DMXL1: variants seen among roughly 807,000 people sequenced by gnomAD.
DMXL1 encodes the protein dmX-like protein 1.
Under a neutral mutation model 319.2 loss-of-function variants are expected in DMXL1, and 99 were observed. That is an observed-to-expected ratio of 0.31 (90% CI 0.26 to 0.37). The LOEUF is 0.37. Among genes scored for constraint, DMXL1 ranks in the 10% least tolerant of loss-of-function variants. The pLI is 1.00. For missense variants in DMXL1, 3,745 were observed against 3,595.6 expected (o/e 1.04, Z -1.06); for synonymous variants, 1,385 against 1,235.2 (o/e 1.12, Z -2.54).
intron 5 of DMXL1, among the ~76,000 whole-genome samples, chr5:119,112,723 G>T (rs374611783): frequency 6.6e-6 from 1 of 152,158 alleles, no homozygotes; most frequent in Non-Finnish European, 1.5e-5. Context: ...TTGGGAGGCC[G>T]AGGTGGGTGG....
intron 32 of DMXL1, 64 bp downstream of exon 32, chr5:119,198,020 G>A (rs758451100): frequency 2.6e-5 from 39 of 1,510,620 alleles, no homozygotes; most frequent in South Asian, 5.7e-5. Context: ...ATGGTGTCTC[G>A]CTCTGTCATC....
At chr5:119,132,186 A>G (rs985896648) in intron 10 of DMXL1, among the ~76,000 whole-genome samples, 2 of 152,112 alleles carry the variant, frequency 1.3e-5, no homozygotes, top group Non-Finnish European at 2.9e-5. Flanking sequence ...TAAATAAGAA[A>G]AGGCTCTACA....
At chr5:119,135,560 C>A (rs1018345412) in intron 13 of DMXL1, among the ~76,000 whole-genome samples, 5 of 152,158 alleles carry the variant, frequency 3.3e-5, no homozygotes, top group African/African-American at 1.2e-4. Flanking sequence ...ACCCAAATCT[C>A]ATCTTGAATT....
intron 19 of DMXL1, among the ~76,000 whole-genome samples, chr5:119,161,523 AGGTCTGGGGCTGGGCCAAGCCCCTGTTT>A (rs1772265420): frequency 6.6e-6 from 1 of 152,166 alleles, no homozygotes; most frequent in South Asian, 2.1e-4. Flanking sequence ...CCTTGGTGTG[AGGTCTGGGGCTGGGCCAAGCCCCTGTTT>A]GGCCTCCCAG....
intron 28 of DMXL1, among the ~76,000 whole-genome samples, chr5:119,187,364 T>C (rs1777922468): frequency 2.0e-5 from 3 of 152,194 alleles, no homozygotes. Flanking sequence ...ATTTGATTAT[T>C]AGCATTTTCA....
At chr5:119,123,357 AGGG>A (rs1762685658) in intron 9 of DMXL1, among the ~76,000 whole-genome samples, 2 of 101,780 alleles carry the variant, frequency 2.0e-5, no homozygotes, top group Non-Finnish European at 4.0e-5. Flanking sequence ...GAGGAGGGAG[AGGG>A]AGAGGAGGGA....
rs140100849 is a variant in DMXL1 at position 119,171,804 on chromosome 5, C to A, written c.6516C>A (p.Ser2172Arg). Residue 2172 changes from serine to arginine, a missense_variant, in exon 25 of 44, where the codon AGC (serine) becomes AGA (arginine). This residue lies in a region of DMXL1 where 1,382 missense variants were observed against 1,269.5 expected (regional missense o/e 1.09). Coordinates refer to ENST00000539542, the MANE Select transcript of DMXL1 (RefSeq NM_001290321.3). Reference protein sequence around the residue: ...QQETSEPLFSSPLSEQTSVPL... With the variant: ...QQETSEPLFSRPLSEQTSVPL... Reference sequence around the variant, plus strand: ...AAACATCAGAACCACTATTTTCTAGCCCTCTGTCAGAGCAAACCTCAGTGC... The same window carrying A: ...AAACATCAGAACCACTATTTTCTAGACCTCTGTCAGAGCAAACCTCAGTGC... 19 of 1,612,496 alleles carry A rather than the reference C, an allele frequency of 1.2e-5. No homozygotes were observed. In the African/African-American group the frequency reaches 2.4e-4, roughly 20 times the overall value.
intron 13 of DMXL1, among the ~76,000 whole-genome samples, chr5:119,143,264 G>A (rs539777543): frequency 6.6e-6 from 1 of 152,072 alleles, no homozygotes; most frequent in East Asian, 1.9e-4. Context: ...GTTAAAAGTA[G>A]GGTGGAAATA....
chr5:119,090,516 G>A (rs1754519783), intron 1 of DMXL1, among the ~76,000 whole-genome samples: 1 of 144,816 alleles, frequency 6.9e-6, no homozygotes, highest in African/African-American at 2.5e-5. Context: ...TTTGTATCTT[G>A]TAGGCAACTT....
chr5:119,132,863 G>C, intron 10 of DMXL1: 1 of 562,452 alleles, frequency 1.8e-6, no homozygotes, highest in Non-Finnish European at 3.3e-6. Context: ...ATCTGTGCAA[G>C]GGCAAAAGTA....
chr5:119,078,215 A>G (rs940749885), intron 1 of DMXL1, among the ~76,000 whole-genome samples: 23 of 152,192 alleles, frequency 1.5e-4, no homozygotes, highest in African/African-American at 4.8e-4. Flanking sequence ...TCTGGCCTCA[A>G]GTGATCCTAC....
chr5:119,111,440 A>C (rs1006200641), intron 5 of DMXL1, among the ~76,000 whole-genome samples: 9 of 152,218 alleles, frequency 5.9e-5, no homozygotes, highest in African/African-American at 2.2e-4. Context: ...AAAAAATATT[A>C]ATTTTGCCTG....
chr5:119,074,638 T>A (rs2149657943), intron 1 of DMXL1, among the ~76,000 whole-genome samples: 1 of 152,348 alleles, frequency 6.6e-6, no homozygotes, highest in South Asian at 2.1e-4. Flanking sequence ...TTTTACTACC[T>A]CATCAGGCAT....
At chr5:119,107,422 CCTTT>C (rs1223607197) in intron 4 of DMXL1, among the ~76,000 whole-genome samples, 1 of 151,826 alleles carries the variant, frequency 6.6e-6, no homozygotes, top group Non-Finnish European at 1.5e-5. Flanking sequence ...CTGATTAATG[CCTTT>C]CTTTTGTGTC....
Position 119,173,738 on chromosome 5 carries a change from A to G in DMXL1, c.6682-1523A>G, listed in dbSNP as rs199950893. Among the ~76,000 whole-genome samples the G allele has an allele frequency of 4.0e-3, 202 of 50,604 alleles. 2 individuals carry two copies. The East Asian group carries it at 0.14, about 36-fold the overall frequency. 33.2% of individuals were successfully genotyped at this position (50,604 alleles called of 152,430 possible). On this transcript the variant is annotated intron_variant, in intron 25 of 43. Transcript: ENST00000539542. ...TGTGTGTATATATATATATGTGTGTATATATATATGTGTGTGTATATATAT... is the reference window on the plus strand; with the variant it reads ...TGTGTGTATATATATATATGTGTGTGTATATATATGTGTGTGTATATATAT...
At chr5:119,102,043 A>G (rs1344869897) in intron 3 of DMXL1, 37 bp downstream of exon 3, 8 of 1,335,716 alleles carry the variant, frequency 6.0e-6, no homozygotes, top group Middle Eastern at 1.8e-4. Context: ...AGGAATTGAA[A>G]TGTTTTAAGT....
chr5:119,094,678 C>G (rs1398661265), intron 1 of DMXL1, among the ~76,000 whole-genome samples: 3 of 152,054 alleles, frequency 2.0e-5, no homozygotes, highest in Non-Finnish European at 2.9e-5. Flanking sequence ...AAATTGAAAA[C>G]CTTCTGGAAA....
At chr5:119,093,878 A>T (rs957462473) in intron 1 of DMXL1, among the ~76,000 whole-genome samples, 7 of 152,228 alleles carry the variant, frequency 4.6e-5, no homozygotes, top group African/African-American at 1.7e-4. Flanking sequence ...CTTTAAGCCA[A>T]AGCCTAATCC....
chr5:119,196,725 T>G (rs1779710636), intron 31 of DMXL1, among the ~76,000 whole-genome samples: 2 of 152,068 alleles, frequency 1.3e-5, no homozygotes, highest in Admixed American at 1.3e-4. Context: ...TAGCCAAGTG[T>G]TGAGGGATTT....
Sources: allele counts gnomAD v4.1 joint callset (sites outside exome capture counted in the v4.1 genomes callset), GRCh38; gene constraint gnomAD v4.1.1; regional missense constraint gnomAD v4.1.1; transcripts MANE v1.5; gene names NCBI Gene and HGNC (gene_info 2026-07-23, HGNC 2026-07-21).